Variants in ELOVL6 observed in about 807,000 individuals in gnomAD.
The protein encoded by ELOVL6 is very long chain fatty acid elongase 6.
In ELOVL6, 8 loss-of-function variants were observed where a neutral mutation model predicts 31.7. The observed-to-expected ratio is 0.25, with a 90% CI of 0.15 to 0.45. The LOEUF is 0.45. Ranked by LOEUF, ELOVL6 falls within the 20% of genes least tolerant of loss-of-function variation. ELOVL6 has a pLI of 1.00. For synonymous variants in ELOVL6, 101 were observed against 117.7 expected, an observed-to-expected ratio of 0.86 and a Z score of 0.92; for missense variants, 126 against 326.4, an observed-to-expected ratio of 0.39 and a Z score of 4.73.
intron 2 of ELOVL6, chr4:110,093,160 T>A (rs541791274): frequency 2.3e-6 from 1 of 441,330 alleles, no homozygotes; most frequent in Non-Finnish European, 4.5e-6. Context: ...ATTACAGAAG[T>A]CATATTTTTG....
chr4:110,069,090 A>G (rs1755388255), intron 2 of ELOVL6, among the ~76,000 whole-genome samples: 1 of 151,072 alleles, frequency 6.6e-6, no homozygotes, highest in African/African-American at 2.4e-5. Flanking sequence ...AGATTGCGCC[A>G]CTGCACTCCA....
intron 2 of ELOVL6, among the ~76,000 whole-genome samples, chr4:110,084,093 C>T (rs13119688): frequency 1.3e-5 from 1 of 75,880 alleles, no homozygotes; most frequent in African/African-American, 5.3e-5. Context: ...TGATATATAA[C>T]ATATATATGA....
chr4:110,100,269 AT>A (rs1307393922), intron 2 of ELOVL6, among the ~76,000 whole-genome samples: 1 of 152,212 alleles, frequency 6.6e-6, no homozygotes, highest in Non-Finnish European at 1.5e-5. Context: ...ATGATCCATT[AT>A]AGGCCTAAGG....
At chr4:110,084,588 ATTT>A (rs1168880044) in intron 2 of ELOVL6, among the ~76,000 whole-genome samples, 15 of 29,636 alleles carry the variant, frequency 5.1e-4, no homozygotes, top group African/African-American at 2.4e-3. Context: ...ATATATATAT[ATTT>A]TTTTTTTTTT....
At chr4:110,121,691 T>A (rs765204408) in intron 1 of ELOVL6, among the ~76,000 whole-genome samples, 4 of 152,024 alleles carry the variant, frequency 2.6e-5, no homozygotes, top group Non-Finnish European at 5.9e-5. Context: ...AGATCGAGAC[T>A]CTGTCTCAAA....
In ELOVL6 at chr4:110,058,082, T is replaced by G. The variant is rs142329214; in HGVS notation, c.373+1521A>C. 8.5e-3 allele frequency among the ~76,000 whole-genome samples: 1,287 copies of G among 152,300 alleles called. 6 individuals carry two copies. The highest frequency in any genetic ancestry group is 0.013 in the Non-Finnish European group (890 of 68,024). On this transcript the variant is annotated intron_variant, in intron 3 of 3. Transcript: ENST00000302274. ...AAAACCACTTCTCTAGCCTATGACTTCATACCTAGTGGTACCAATACCTCC... is the reference window on the plus strand; with the variant it reads ...AAAACCACTTCTCTAGCCTATGACTGCATACCTAGTGGTACCAATACCTCC...
At chr4:110,124,538 C>T (rs191237757) in intron 1 of ELOVL6, among the ~76,000 whole-genome samples, 20 of 152,198 alleles carry the variant, frequency 1.3e-4, no homozygotes, top group Non-Finnish European at 2.4e-4. Context: ...GGGAACAACA[C>T]ACACTGGGGC....
intron 1 of ELOVL6, among the ~76,000 whole-genome samples, chr4:110,190,294 A>G (rs1246610485): frequency 6.6e-6 from 1 of 152,152 alleles, no homozygotes; most frequent in Non-Finnish European, 1.5e-5. Context: ...AAATCTCAGT[A>G]AGTTCACAGT....
intron 1 of ELOVL6, among the ~76,000 whole-genome samples, chr4:110,117,493 T>G (rs533161294): frequency 6.6e-6 from 1 of 152,060 alleles, no homozygotes; most frequent in Non-Finnish European, 1.5e-5. Context: ...AACCAGTGAG[T>G]CAGTATATTA....
chr4:110,117,903 A>AAAAAAAAAATT, intron 1 of ELOVL6: 2 of 6,504 alleles, frequency 3.1e-4, no homozygotes, highest in African/African-American at 6.5e-4. Context: ...AAAAAAAAAA[A>AAAAAAAAAATT]ATATATATAT....
At chr4:110,093,753 T>C (rs987381036) in intron 2 of ELOVL6, among the ~76,000 whole-genome samples, 4 of 151,886 alleles carry the variant, frequency 2.6e-5, no homozygotes, top group Admixed American at 2.0e-4. Context: ...GAACATAGAG[T>C]GCAGTGGGAC....
rs939648871 is a variant in ELOVL6, at chr4:110,047,482, C to G, written c.*3856G>C. ...TTGTCTCTCCCAGGTAATTCAGAAG[C>G]TGGGGCTATGGCCAGACTTCTGGAA... On this transcript the variant is annotated 3_prime_UTR_variant, in exon 4 of 4. Transcript: ENST00000302274. 2.0e-5 allele frequency: 3 copies of G among 152,256 alleles called. No individual in the cohort carries two copies. Among genetic ancestry groups the G allele is most frequent in the African/African-American group, 7.2e-5 (3 of 41,450 alleles). The allele number at this position is 152,256 out of a possible 1,614,324, so 9.4% of individuals were successfully genotyped here.
chr4:110,164,931 C>T (rs1484044278), intron 1 of ELOVL6, among the ~76,000 whole-genome samples: 1 of 151,882 alleles, frequency 6.6e-6, no homozygotes, highest in Non-Finnish European at 1.5e-5. Flanking sequence ...CTCTGCCCCC[C>T]AGGCTCAAGC....
intron 1 of ELOVL6, among the ~76,000 whole-genome samples, chr4:110,176,925 G>T (rs769545421): frequency 2.1e-4 from 32 of 152,182 alleles, no homozygotes; most frequent in Non-Finnish European, 4.4e-4. Flanking sequence ...AGAAGAGACA[G>T]GGTTTCTCCA....
intron 2 of ELOVL6, among the ~76,000 whole-genome samples, chr4:110,100,347 C>T (rs906735873): frequency 6.6e-6 from 1 of 152,208 alleles, no homozygotes; most frequent in Non-Finnish European, 1.5e-5. Flanking sequence ...AAATTACCAC[C>T]TGAATGAAGA....
At chr4:110,083,087 A>G (rs1170353090) in intron 2 of ELOVL6, among the ~76,000 whole-genome samples, 2 of 151,778 alleles carry the variant, frequency 1.3e-5, no homozygotes, top group Non-Finnish European at 1.5e-5. Context: ...AAAAAAAAGC[A>G]AACTTTTTCT....
chr4:110,093,952 A>G (rs1332350889), intron 2 of ELOVL6, among the ~76,000 whole-genome samples: 2 of 152,186 alleles, frequency 1.3e-5, no homozygotes, highest in Non-Finnish European at 2.9e-5. Context: ...GGAACAAGCC[A>G]TTAGAATATC....
chr4:110,064,812 A>G (rs1229039712), intron 2 of ELOVL6, among the ~76,000 whole-genome samples: 1 of 152,178 alleles, frequency 6.6e-6, no homozygotes, highest in East Asian at 1.9e-4. Flanking sequence ...TTAAAAATCT[A>G]CTTTCAATAG....
At chr4:110,141,854 A>AATATATATATATATAT (rs1304359285) in intron 1 of ELOVL6, among the ~76,000 whole-genome samples, 2 of 53,604 alleles carry the variant, frequency 3.7e-5, no homozygotes, top group African/African-American at 6.2e-5. Context: ...CAATACAATT[A>AATATATATATATATAT]GTATATATAT....
Sources: allele counts gnomAD v4.1 joint callset (sites outside exome capture counted in the v4.1 genomes callset), GRCh38; gene constraint gnomAD v4.1.1; transcripts MANE v1.5; gene names NCBI Gene and HGNC (gene_info 2026-07-23, HGNC 2026-07-21).